Variants in XPO7 observed in about 807,000 individuals in gnomAD.
XPO7 encodes the protein exportin-7.
XPO7 carries 21 observed loss-of-function variants against 144.3 expected under a neutral mutation model. That is an observed-to-expected ratio of 0.15 (90% confidence interval 0.10 to 0.21). The LOEUF (loss-of-function observed/expected upper bound fraction) is 0.21. Among genes scored for constraint, XPO7 ranks in the 10% least tolerant of loss-of-function variants. The probability of loss-of-function intolerance (pLI) is 1.00; values close to 1 mark genes in which losing one functional copy is unlikely to be tolerated. For missense variants in XPO7, 808 were observed against 1,325.8 expected, an observed-to-expected ratio of 0.61 and a Z score of 6.06; for synonymous variants, 580 against 499.6, an observed-to-expected ratio of 1.16 and a Z score of -2.15.
At chr8:21,929,177 A>G (rs1449653019) in intron 1 of XPO7, among the ~76,000 whole-genome samples, 1 of 152,222 alleles carries the variant, frequency 6.6e-6, no homozygotes, top group African/African-American at 2.4e-5. Flanking sequence ...GATATAAAAT[A>G]TTTCCACTCT....
intron 16 of XPO7, among the ~76,000 whole-genome samples, chr8:21,989,878 C>G (rs549253893): frequency 2.9e-5 from 2 of 70,048 alleles, no homozygotes; most frequent in Admixed American, 4.8e-4. Context: ...GAGATGGAGT[C>G]TTGCTCTGTT....
chr8:21,928,602 G>C (rs1810538543), intron 1 of XPO7, among the ~76,000 whole-genome samples: 1 of 152,084 alleles, frequency 6.6e-6, no homozygotes, highest in Non-Finnish European at 1.5e-5. Context: ...TGTGTTTTTA[G>C]TTTGTACTTC....
intron 1 of XPO7, among the ~76,000 whole-genome samples, chr8:21,939,890 TTTTA>T (rs1162256189): frequency 3.9e-5 from 6 of 152,360 alleles, no homozygotes; most frequent in African/African-American, 7.2e-5. Flanking sequence ...GTCTTTTAAA[TTTTA>T]TTTATTTTCT....
intron 12 of XPO7, among the ~76,000 whole-genome samples, chr8:21,985,132 T>A (rs1812538973): frequency 6.6e-6 from 1 of 152,174 alleles, no homozygotes. Context: ...CCTCCCGAAG[T>A]AGCTGGGACT....
chr8:21,940,466 T>C (rs1810953777), intron 1 of XPO7, among the ~76,000 whole-genome samples: 2 of 132,576 alleles, frequency 1.5e-5, no homozygotes, highest in South Asian at 4.7e-4. Context: ...AAAAGATACA[T>C]AGTTAGGCTT....
chr8:21,995,432 CTA>C, intron 20 of XPO7, 58 bp from the exon 21 acceptor site: 3 of 1,471,266 alleles, frequency 2.0e-6, no homozygotes, highest in Non-Finnish European at 2.8e-6. Context: ...TGCTGAAAAA[CTA>C]TTTTAAATTC....
At chr8:21,965,696 GAATC>G (rs1811860996) in intron 1 of XPO7, among the ~76,000 whole-genome samples, 1 of 152,136 alleles carries the variant, frequency 6.6e-6, no homozygotes, top group Non-Finnish European at 1.5e-5. Flanking sequence ...AGTAAAATAT[GAATC>G]CTGCCCCAAA....
At chr8:21,925,504 G>T (rs1215570294) in intron 1 of XPO7, among the ~76,000 whole-genome samples, 7 of 152,208 alleles carry the variant, frequency 4.6e-5, no homozygotes. Context: ...GAAGACTGGA[G>T]AACTCGCTGT....
chr8:21,936,663 G>A (rs1238546636), intron 1 of XPO7, among the ~76,000 whole-genome samples: 7 of 152,072 alleles, frequency 4.6e-5, no homozygotes, highest in African/African-American at 1.7e-4. Context: ...GACATTTTTG[G>A]TGTATATTAG....
chr8:21,970,416 T>C, intron 4 of XPO7, 106 bp downstream of exon 4: 1 of 1,116,334 alleles, frequency 9.0e-7, no homozygotes, highest in South Asian at 1.8e-5. Context: ...ATCTACTTTT[T>C]AAACATGACA....
intron 8 of XPO7, among the ~76,000 whole-genome samples, chr8:21,978,735 G>A (rs1310342456): frequency 6.6e-6 from 1 of 152,192 alleles, no homozygotes; most frequent in Non-Finnish European, 1.5e-5. Flanking sequence ...GGAGAGAGTT[G>A]AAGCTGTGTC....
rs371724445 is a variant in XPO7 at position 21,987,298 on chromosome 8, C to A, written c.1713+22C>A. 9 of 1,613,352 alleles carry A rather than the reference C, an allele frequency of 5.6e-6. No homozygotes were observed. In the African/African-American group the frequency reaches 1.2e-4, roughly 22 times the overall value. ...TAAGGTAACAGCCTCTCAATTGGCTCCCCTTAGTTCTCACTTCTCACTTGT... is the reference window on the plus strand; with the variant it reads ...TAAGGTAACAGCCTCTCAATTGGCTACCCTTAGTTCTCACTTCTCACTTGT... On this transcript the variant is annotated intron_variant, in intron 14 of 27. Transcript: ENST00000252512.
rs182840503 is a variant in XPO7 at position 21,925,665 on chromosome 8, T to C, written c.18+5877T>C. 2.8e-3 allele frequency among the ~76,000 whole-genome samples: 426 copies of C among 152,282 alleles called. 2 individuals carry two copies. The highest frequency in any genetic ancestry group is 0.027 in the South Asian group (132 of 4,820). ...CTAAGCCTTTTATAGTGTTATGCCA[T>C]TTAATTGGGAAACTCGTTTGGTCTC... On this transcript the variant is annotated intron_variant, in intron 1 of 27. Coordinates refer to ENST00000252512, the MANE Select transcript of XPO7 (RefSeq NM_015024.5).
At chr8:21,973,355 G>A (rs974991058) in intron 5 of XPO7, among the ~76,000 whole-genome samples, 1 of 152,188 alleles carries the variant, frequency 6.6e-6, no homozygotes, top group Admixed American at 6.5e-5. Context: ...ATGAAATTTT[G>A]TGTAGCATTT....
At chr8:21,963,728 T>C (rs932679539) in intron 1 of XPO7, among the ~76,000 whole-genome samples, 2 of 151,950 alleles carry the variant, frequency 1.3e-5, no homozygotes, top group East Asian at 1.9e-4. Flanking sequence ...CATTGGGCTA[T>C]TTAAAGAGCA....
At chr8:21,982,593 C>T (rs371905767) in intron 10 of XPO7, 47 bp from the exon 11 acceptor site, 28 of 1,527,294 alleles carry the variant, frequency 1.8e-5, no homozygotes, top group African/African-American at 5.6e-5. Flanking sequence ...GGGACTAACA[C>T]GTACAGAAAT....
chr8:21,987,727 C>T, intron 14 of XPO7, 57 bp from the exon 15 acceptor site: 3 of 1,586,780 alleles, frequency 1.9e-6, no homozygotes, highest in Middle Eastern at 1.7e-4. Context: ...AAAAATAGTA[C>T]CAGGATGTGA....
At chr8:21,965,180 G>T (rs1811844029) in intron 1 of XPO7, among the ~76,000 whole-genome samples, 2 of 151,614 alleles carry the variant, frequency 1.3e-5, no homozygotes, top group Non-Finnish European at 2.9e-5. Context: ...GTAGGAGGGG[G>T]GAAATAGATT....
chr8:21,981,008 T>A (rs1812391784), intron 9 of XPO7, among the ~76,000 whole-genome samples: 1 of 152,158 alleles, frequency 6.6e-6, no homozygotes, highest in Non-Finnish European at 1.5e-5. Context: ...GCAGTTTATT[T>A]CAAAATATAC....
Sources: gnomAD v4.1 joint callset for allele counts (sites outside exome capture counted in the v4.1 genomes callset) on GRCh38, gnomAD v4.1.1 for gene constraint, MANE v1.5 for transcripts, NCBI Gene and HGNC (gene_info 2026-07-23, HGNC 2026-07-21) for gene names.